Variants in ANO2 observed in about 807,000 individuals in gnomAD.
ANO2 encodes the protein anoctamin-2.
Under a neutral mutation model 124.2 loss-of-function variants are expected in ANO2, and 101 were observed. The ratio of observed to expected loss-of-function variants is 0.81; its 90% CI spans 0.69 to 0.96. The LOEUF (loss-of-function observed/expected upper bound fraction) is 0.96. ANO2 is among the 40% of genes least tolerant of loss of function. The pLI, the probability that ANO2 is intolerant of heterozygous loss-of-function variation, is 0.00. For missense variants in ANO2, 1,293 were observed against 1,274.5 expected (o/e 1.01, Z -0.22); for synonymous variants, 486 against 482.5 (o/e 1.01, Z -0.09).
chr12:5,590,565 C>G (rs776502046), intron 20 of ANO2, among the ~76,000 whole-genome samples: 1 of 152,144 alleles, frequency 6.6e-6, no homozygotes, highest in South Asian at 2.1e-4. Flanking sequence ...TTTGAAGTCT[C>G]GAGACAAGCC....
chr12:5,897,423 G>A (rs535432691), intron 3 of ANO2, among the ~76,000 whole-genome samples: 10 of 152,338 alleles, frequency 6.6e-5, no homozygotes, highest in Admixed American at 6.5e-4. Flanking sequence ...GTGGGAAGCA[G>A]AGGCAGATTG....
At chr12:5,563,625 G>A (rs1591629401) in intron 24 of ANO2, 57 bp from the exon 25 acceptor site, 1 of 1,596,962 alleles carries the variant, frequency 6.3e-7, no homozygotes. Flanking sequence ...TGGGGAGGTG[G>A]CGGCCCTGGA....
intron 23 of ANO2, among the ~76,000 whole-genome samples, chr12:5,573,805 G>T (rs1942258256): frequency 6.6e-6 from 1 of 151,994 alleles, no homozygotes; most frequent in Admixed American, 6.6e-5. Flanking sequence ...ATCTTTTCTT[G>T]GTTGACGACA....
At chr12:5,850,599 C>G (rs1251223317) in intron 4 of ANO2, among the ~76,000 whole-genome samples, 1 of 152,092 alleles carries the variant, frequency 6.6e-6, no homozygotes, top group Non-Finnish European at 1.5e-5. Context: ...CCTAACCCAC[C>G]ACATTGACAA....
rs61059041 is a variant in ANO2 at position 5,636,605 on chromosome 12, TACACACACACACACACAC to T, written c.1621-1276_1621-1259del. ...CCTGAAAAAATAAGCTGTGCTGGAC[TACACACACACACACACAC>T]ACACACACACACACACACACACACA... On this transcript the variant is annotated intron_variant, in intron 15 of 24. Transcript: ENST00000682330. The surrounding 1 kb of genome is among the most constrained non-coding windows in gnomAD (Gnocchi z 4.6). Among the ~76,000 whole-genome samples the T allele has an allele frequency of 4.2e-5, 5 of 118,490 alleles. No individual in the cohort carries two copies. Among genetic ancestry groups the T allele is most frequent in the African/African-American group, 1.6e-4 (5 of 30,682 alleles). 77.7% of individuals were successfully genotyped at this position (118,490 alleles called of 152,430 possible). A position where few individuals can be genotyped will look rare whatever the true frequency, so the allele number is the denominator to read the frequency against.
intron 3 of ANO2, among the ~76,000 whole-genome samples, chr12:5,871,023 T>A (rs945653864): frequency 2.6e-5 from 4 of 152,210 alleles, no homozygotes; most frequent in African/African-American, 4.8e-5. Context: ...CTGATTTTTT[T>A]ATTAAAAAAG....
intron 16 of ANO2, among the ~76,000 whole-genome samples, chr12:5,633,588 C>CA (rs75213359): frequency 3.9e-4 from 58 of 149,064 alleles, no homozygotes; most frequent in South Asian, 1.3e-3. Flanking sequence ...CAAAACAAAA[C>CA]AAAAAAAAAA....
intron 3 of ANO2, among the ~76,000 whole-genome samples, chr12:5,867,794 AAAAAAAC>A (rs1451316973): frequency 6.0e-5 from 9 of 151,170 alleles, no homozygotes; most frequent in Admixed American, 2.0e-4. Flanking sequence ...AAAAAAAAAA[AAAAAAAC>A]CAGTGGATTT....
intron 16 of ANO2, among the ~76,000 whole-genome samples, chr12:5,625,845 G>A (rs1945372273): frequency 6.6e-6 from 1 of 152,132 alleles, no homozygotes; most frequent in Non-Finnish European, 1.5e-5. Flanking sequence ...CTCTGGGCTG[G>A]AAGTCAGAAG....
intron 16 of ANO2, among the ~76,000 whole-genome samples, chr12:5,621,217 G>C (rs900453327): frequency 6.6e-6 from 1 of 152,144 alleles, no homozygotes; most frequent in Admixed American, 6.5e-5. Context: ...AAGTCCCAGA[G>C]AGACATCTTC....
chr12:5,700,933 T>G (rs1399915069), intron 14 of ANO2, among the ~76,000 whole-genome samples: 1 of 152,074 alleles, frequency 6.6e-6, no homozygotes, highest in Non-Finnish European at 1.5e-5. Flanking sequence ...TGCTCCTCGT[T>G]TTTCTTCCCT....
At chr12:5,915,092 C>T (rs1941303226) in intron 3 of ANO2, among the ~76,000 whole-genome samples, 1 of 152,162 alleles carries the variant, frequency 6.6e-6, no homozygotes, top group African/African-American at 2.4e-5. Context: ...CTTAAATTAG[C>T]CCCCAACTCT....
At chr12:5,661,998 C>T (rs1019986416) in intron 14 of ANO2, among the ~76,000 whole-genome samples, 1 of 152,230 alleles carries the variant, frequency 6.6e-6, no homozygotes, top group Non-Finnish European at 1.5e-5. Context: ...CCCGCCAACT[C>T]GCCAACTGGC....
chr12:5,569,189 T>A lies in ANO2; in HGVS notation c.2622-3526A>T, dbSNP rs549566524. ...GCTTCTCTCAGGACCTCTGTCCAGG[T>A]AAATAGCATGAAATGGGCAAGTGCT... is the stretch of plus-strand genomic sequence containing the variant. On this transcript the variant is annotated intron_variant, in intron 23 of 24. Coordinates refer to ENST00000682330, the MANE Select transcript of ANO2 (RefSeq NM_001364791.2). Among the ~76,000 whole-genome samples the A allele has an allele frequency of 8.5e-5, 13 of 152,190 alleles. No homozygotes were observed. The South Asian group carries it at 2.7e-3, about 32-fold the overall frequency.
intron 4 of ANO2, among the ~76,000 whole-genome samples, chr12:5,833,460 G>C (rs1450518687): frequency 6.6e-6 from 1 of 152,106 alleles, no homozygotes; most frequent in Non-Finnish European, 1.5e-5. Context: ...CACCCCCCTT[G>C]AATCTGCATT....
rs867703548 is a variant in ANO2, at chr12:5,624,264, C to T, written c.1817-8967G>A. 4.0e-5 allele frequency among the ~76,000 whole-genome samples: 6 copies of T among 148,918 alleles called. 1 individual carries two copies. Among genetic ancestry groups the T allele is most frequent in the Middle Eastern group, 7.1e-3 (2 of 282 alleles). On this transcript the variant is annotated intron_variant, in intron 16 of 24. Transcript: ENST00000682330. Reference sequence around the variant, plus strand: ...CTGGAGAGAGAGAGAGAGAGAGAAACAGACAGACAGACAGACAGAGAGACA... The same window carrying T: ...CTGGAGAGAGAGAGAGAGAGAGAAATAGACAGACAGACAGACAGAGAGACA...
At chr12:5,894,924 T>C (rs1395215736) in intron 3 of ANO2, among the ~76,000 whole-genome samples, 1 of 152,240 alleles carries the variant, frequency 6.6e-6, no homozygotes, top group Non-Finnish European at 1.5e-5. Flanking sequence ...TCAGGTAGTG[T>C]GATGCCTCTA....
intron 20 of ANO2, among the ~76,000 whole-genome samples, chr12:5,595,687 G>A (rs1202195931): frequency 4.6e-5 from 7 of 152,130 alleles, no homozygotes; most frequent in Admixed American, 2.6e-4. Context: ...TGCCATCAGC[G>A]TGTGTACCAA....
At chr12:5,587,956 C>G (rs575626125) in intron 20 of ANO2, among the ~76,000 whole-genome samples, 1 of 152,222 alleles carries the variant, frequency 6.6e-6, no homozygotes, top group Non-Finnish European at 1.5e-5. Context: ...TGCCTCCCTC[C>G]GTTGAGGACC....
Sources: allele counts gnomAD v4.1 joint callset (sites outside exome capture counted in the v4.1 genomes callset), GRCh38; gene constraint gnomAD v4.1.1; non-coding constraint Gnocchi (gnomAD v3.1); transcripts MANE v1.5; gene names NCBI Gene and HGNC (gene_info 2026-07-23, HGNC 2026-07-21).